The following ADCY3 variants were observed in gnomAD, a reference collection of about 807,000 sequenced individuals.
ADCY3 encodes adenylate cyclase type 3.
In ADCY3, 70 loss-of-function variants were observed where a neutral mutation model predicts 119.4. The ratio of observed to expected loss-of-function variants is 0.59; its 90% CI spans 0.48 to 0.72. The LOEUF is 0.72. Among genes scored for constraint, ADCY3 ranks in the 30% least tolerant of loss-of-function variants. The probability of loss-of-function intolerance (pLI) is 0.00; values close to 1 mark genes in which losing one functional copy is unlikely to be tolerated. For missense variants in ADCY3, 1,238 were observed against 1,541.6 expected (o/e 0.80, Z 3.30); for synonymous variants, 672 against 621.4 (o/e 1.08, Z -1.21).
At chr2:24,857,599 C>T (rs1240128260) in intron 3 of ADCY3, among the ~76,000 whole-genome samples, 1 of 152,194 alleles carries the variant, frequency 6.6e-6, no homozygotes, top group East Asian at 1.9e-4. Flanking sequence ...CATACTGCTA[C>T]CTATTGCAGC....
At chr2:24,858,315 T>C (rs956761578) in intron 3 of ADCY3, among the ~76,000 whole-genome samples, 3 of 152,188 alleles carry the variant, frequency 2.0e-5, no homozygotes, top group Non-Finnish European at 2.9e-5. Flanking sequence ...TCTAAGTGAG[T>C]CAAAAATCCA....
chr2:24,884,768 C>T (rs1159908201), intron 2 of ADCY3, among the ~76,000 whole-genome samples: 3 of 152,062 alleles, frequency 2.0e-5, no homozygotes, highest in Non-Finnish European at 4.4e-5. Context: ...TGAGCCACAG[C>T]GCCCAGCCCT....
At chr2:24,912,647 A>C (rs1663921168) in intron 2 of ADCY3, among the ~76,000 whole-genome samples, 1 of 151,144 alleles carries the variant, frequency 6.6e-6, no homozygotes, top group African/African-American at 2.4e-5. Context: ...ATATAAAACT[A>C]CCCAGTTACC....
intron 6 of ADCY3, chr2:24,840,673 G>A (rs1670893516): frequency 3.9e-5 from 15 of 382,576 alleles, no homozygotes; most frequent in South Asian, 2.5e-4. Flanking sequence ...TCCCGCAGAG[G>A]CTGGAAGTCA....
chr2:24,844,987 A>C (rs770501315), intron 3 of ADCY3, among the ~76,000 whole-genome samples: 18 of 152,172 alleles, frequency 1.2e-4, no homozygotes, highest in Non-Finnish European at 2.4e-4. Flanking sequence ...TGGGTTTATC[A>C]GGAGTTTCTG....
intron 9 of ADCY3, among the ~76,000 whole-genome samples, chr2:24,836,291 CTT>C (rs776433294): frequency 8.5e-5 from 13 of 152,244 alleles, no homozygotes; most frequent in Non-Finnish European, 1.8e-4. Context: ...CATCTACCCT[CTT>C]GTTCTACGGC....
At chr2:24,828,749 C>A (rs1413759903) in intron 13 of ADCY3, among the ~76,000 whole-genome samples, 1 of 152,240 alleles carries the variant, frequency 6.6e-6, no homozygotes, top group Non-Finnish European at 1.5e-5. Context: ...CTTGCTTGCG[C>A]GATTCCCGCC....
chr2:24,866,375 C>A (rs1000780027), intron 3 of ADCY3, among the ~76,000 whole-genome samples: 2 of 151,784 alleles, frequency 1.3e-5, no homozygotes, highest in African/African-American at 2.4e-5. Flanking sequence ...GAGTTTGAGA[C>A]CAGTTTGGGC....
At chr2:24,894,027 T>C (rs1387054982) in intron 2 of ADCY3, among the ~76,000 whole-genome samples, 1 of 152,248 alleles carries the variant, frequency 6.6e-6, no homozygotes, top group Non-Finnish European at 1.5e-5. Context: ...TTTCCCACTT[T>C]CTTTGCCATC....
At chr2:24,885,410 C>T (rs2148900127) in intron 2 of ADCY3, among the ~76,000 whole-genome samples, 1 of 152,360 alleles carries the variant, frequency 6.6e-6, no homozygotes, top group South Asian at 2.1e-4. Flanking sequence ...CCCTGATCCA[C>T]AGGTCTCACT....
In ADCY3 at chr2:24,834,411, ACACCTGC is replaced by A; in HGVS notation, c.1967+67_1967+73del. 13 of 1,237,184 alleles carry A rather than the reference ACACCTGC, an allele frequency of 1.1e-5. No individual in the cohort carries two copies. The highest frequency in any genetic ancestry group is 2.5e-5 in the East Asian group (1 of 39,606). 76.6% of individuals were successfully genotyped at this position (1,237,184 alleles called of 1,614,324 possible). ...TCCCCAATGTCAGGCTCCCGCTGAG[ACACCTGC>A]CCCCGCCCCCCGCCCGGCACCACCG... On this transcript the variant is annotated intron_variant, in intron 11 of 21. Coordinates refer to ENST00000679454, the MANE Select transcript of ADCY3 (RefSeq NM_004036.5). The surrounding 1 kb of genome is among the most constrained non-coding windows in gnomAD (Gnocchi z 4.2).
chr2:24,832,510 T>TG (rs1669737969), intron 11 of ADCY3, among the ~76,000 whole-genome samples: 1 of 152,160 alleles, frequency 6.6e-6, no homozygotes, highest in Non-Finnish European at 1.5e-5. Context: ...CTATACCCTC[T>TG]GCTCACACCC....
At chr2:24,904,656 CTTTTT>C (rs1679271707) in intron 2 of ADCY3, among the ~76,000 whole-genome samples, 1 of 152,022 alleles carries the variant, frequency 6.6e-6, no homozygotes, top group African/African-American at 2.4e-5. Flanking sequence ...TTTCTTCTCT[CTTTTT>C]TTAAGACAGC....
chr2:24,846,982 G>A (rs1430255068), intron 3 of ADCY3, among the ~76,000 whole-genome samples: 2 of 152,162 alleles, frequency 1.3e-5, no homozygotes, highest in Admixed American at 6.5e-5. Flanking sequence ...TAAGACTTTG[G>A]GGGGACTATT....
At chr2:24,917,850 C>A (rs756029437) in intron 2 of ADCY3, among the ~76,000 whole-genome samples, 24 of 152,204 alleles carry the variant, frequency 1.6e-4, no homozygotes, top group Non-Finnish European at 3.1e-4. Context: ...GCAATCCTGA[C>A]AACAACCGTG....
chr2:24,887,348 T>C (rs1677151597), intron 2 of ADCY3, among the ~76,000 whole-genome samples: 1 of 152,054 alleles, frequency 6.6e-6, no homozygotes. Flanking sequence ...AAGATGAGAT[T>C]TGGGTGGGGA....
intron 2 of ADCY3, among the ~76,000 whole-genome samples, chr2:24,902,661 C>T (rs527334539): frequency 3.0e-4 from 46 of 152,196 alleles, no homozygotes; most frequent in Non-Finnish European, 1.6e-4. Context: ...TCTCTTTCTC[C>T]TCCTCCTCAG....
Position 24,820,708 on chromosome 2 carries a change from G to C in ADCY3, c.3252+16C>G. 6.2e-7 allele frequency: 1 copy of C among 1,613,748 alleles called. No individual in the cohort carries two copies. Among genetic ancestry groups the C allele is most frequent in the Non-Finnish European group, 8.5e-7 (1 of 1,179,812 alleles). ...TGCCGAGTCTGAGCACGTGCCAGCTGTGCCACTGGACATACCTGAATGTTG... is the reference window on the plus strand; with the variant it reads ...TGCCGAGTCTGAGCACGTGCCAGCTCTGCCACTGGACATACCTGAATGTTG... On this transcript the variant is annotated intron_variant, in intron 21 of 21. Coordinates refer to ENST00000679454, the MANE Select transcript of ADCY3 (RefSeq NM_004036.5).
intron 3 of ADCY3, among the ~76,000 whole-genome samples, chr2:24,865,489 C>CTGTGTG (rs3222240): frequency 0.02 from 2,747 of 140,486 alleles, 43 homozygotes; most frequent in South Asian, 0.028. Flanking sequence ...AGGCTATCAT[C>CTGTGTG]TGTGTGTGTG....
Sources: gnomAD v4.1 joint callset for allele counts (sites outside exome capture counted in the v4.1 genomes callset) on GRCh38, gnomAD v4.1.1 for gene constraint, Gnocchi (gnomAD v3.1) non-coding constraint, MANE v1.5 for transcripts, NCBI Gene and HGNC (gene_info 2026-07-23, HGNC 2026-07-21) for gene names.